The following AGAP1 variants were observed in gnomAD, a reference collection of about 807,000 sequenced individuals.
The protein encoded by AGAP1 is ArfGAP with GTPase domain, ankyrin repeat and PH domain 1.
A neutral mutation model predicts 105.3 loss-of-function variants in AGAP1; 29 were observed. The ratio of observed to expected loss-of-function variants is 0.28; its 90% confidence interval spans 0.21 to 0.38. AGAP1 has a LOEUF of 0.38. AGAP1 is among the 10% of genes least tolerant of loss of function. AGAP1 has a pLI of 1.00. For missense variants in AGAP1, 998 were observed against 1,165.1 expected (o/e 0.86, Z 2.09); for synonymous variants, 509 against 485.9 (o/e 1.05, Z -0.63).
rs181002382 is a variant in AGAP1, at chr2:236,122,435, A to G, written c.2371-1484A>G. On this transcript the variant is annotated intron_variant, in intron 17 of 17. Coordinates refer to ENST00000304032, the MANE Select transcript of AGAP1 (RefSeq NM_001037131.3). The stretch of plus-strand genomic sequence containing the variant: ...ATTACAGGCCATCTTTGCTTCTCCA[A>G]TTGAGCAAAAATTCCTTTGATGGCG... Among the ~76,000 whole-genome samples the G allele has an allele frequency of 1.0e-3, 152 of 152,264 alleles. 1 individual carries two copies. Among genetic ancestry groups the G allele is most frequent in the African/African-American group, 3.5e-3 (144 of 41,558 alleles).
chr2:235,862,819 G>A (rs1383145792), intron 9 of AGAP1, among the ~76,000 whole-genome samples: 1 of 152,182 alleles, frequency 6.6e-6, no homozygotes, highest in Non-Finnish European at 1.5e-5. Context: ...TGTTCTTTAT[G>A]CCTCTTCACA....
In AGAP1 at chr2:235,728,166, C is replaced by T. The variant is rs143215564; in HGVS notation, c.310+10522C>T. ...AGTAGAAGTTGAAAGAAACTCCCAA[C>T]GGCAAATTAGGTCGAGTGCCAGAAA... On this transcript the variant is annotated intron_variant, in intron 3 of 17. Transcript: ENST00000304032. The surrounding 1 kb of genome is among the most constrained non-coding windows in gnomAD (Gnocchi z 4.3). Among the ~76,000 whole-genome samples the T allele has an allele frequency of 4.6e-5, 7 of 152,238 alleles. No homozygotes were observed. Among genetic ancestry groups the T allele is most frequent in the South Asian group, 2.1e-4 (1 of 4,814 alleles).
At chr2:235,803,259 A>G (rs918530082) in intron 8 of AGAP1, among the ~76,000 whole-genome samples, 1 of 152,154 alleles carries the variant, frequency 6.6e-6, no homozygotes, top group Admixed American at 6.5e-5. Context: ...TCCTGGAAAT[A>G]GTAACTCCAC....
Position 236,131,724 on chromosome 2 carries a change from T to G in AGAP1, c.*7602T>G, listed in dbSNP as rs2060086945. The G allele has an allele frequency of 6.6e-6, 1 of 152,142 alleles. No individual in the cohort carries two copies. 9.4% of individuals were successfully genotyped at this position (152,142 alleles called of 1,614,324 possible). ...TAAGGGAAAAAGAAAAAGAAAGATG[T>G]GTAAAGTAACAGAGAGAGGTGGCTA... On this transcript the variant is annotated 3_prime_UTR_variant, in exon 18 of 18. Coordinates refer to ENST00000304032, the MANE Select transcript of AGAP1 (RefSeq NM_001037131.3). This position sits in a 1 kb window ranked among gnomAD's most constrained non-coding sequence, Gnocchi z 5.9.
intron 9 of AGAP1, among the ~76,000 whole-genome samples, chr2:235,873,767 ACCCAG>A (rs916943809): frequency 3.9e-5 from 6 of 152,202 alleles, no homozygotes; most frequent in Admixed American, 2.0e-4. Flanking sequence ...TTACTTTGTC[ACCCAG>A]ACTGGAGTGC....
chr2:235,510,133 A>AT (rs1457106919), intron 1 of AGAP1, among the ~76,000 whole-genome samples: 3 of 152,158 alleles, frequency 2.0e-5, no homozygotes, highest in Non-Finnish European at 4.4e-5. Flanking sequence ...GAGTTGTAGA[A>AT]TTTTTTTCAT....
At chr2:235,807,183 C>G in intron 8 of AGAP1, 56 bp from the exon 9 acceptor site, 1 of 1,542,364 alleles carries the variant, frequency 6.5e-7, no homozygotes, top group Non-Finnish European at 8.8e-7. Flanking sequence ...AGGGGCAGAG[C>G]CCCGTCTGTG....
At chr2:235,571,865 T>C (rs1944526596) in intron 1 of AGAP1, among the ~76,000 whole-genome samples, 1 of 151,294 alleles carries the variant, frequency 6.6e-6, no homozygotes, top group African/African-American at 2.4e-5. Context: ...CCCAAAGTGC[T>C]GGGACTACAG....
At chr2:235,513,275 CTT>C (rs1441924277) in intron 1 of AGAP1, among the ~76,000 whole-genome samples, 1 of 150,606 alleles carries the variant, frequency 6.6e-6, no homozygotes, top group Non-Finnish European at 1.5e-5. Context: ...AATCCCAACA[CTT>C]TGGGAGGCTG....
chr2:235,990,255 A>G (rs1242533629), intron 13 of AGAP1, among the ~76,000 whole-genome samples: 1 of 152,200 alleles, frequency 6.6e-6, no homozygotes, highest in Non-Finnish European at 1.5e-5. Flanking sequence ...CATCCTCCTT[A>G]AAGCACCCAT....
At position 235,842,521 on chromosome 2, in the gene AGAP1, G is replaced by C. The variant is rs1395729185; in HGVS notation, c.1050+35190G>C. ...CAGTGTGCTTATTACCCAGCCACAG[G>C]CGTTGCTTATATTTTGGTGACTGTA... On this transcript the variant is annotated intron_variant, in intron 9 of 17. Transcript: ENST00000304032. The surrounding 1 kb of genome is among the most constrained non-coding windows in gnomAD (Gnocchi z 5.3). 6.6e-6 allele frequency among the ~76,000 whole-genome samples: 1 copy of C among 152,138 alleles called. No individual in the cohort carries two copies. Among genetic ancestry groups the C allele is most frequent in the East Asian group, 1.9e-4 (1 of 5,196 alleles).
At chr2:235,870,628 A>AG (rs1335313101) in intron 9 of AGAP1, among the ~76,000 whole-genome samples, 1 of 144,386 alleles carries the variant, frequency 6.9e-6, no homozygotes, top group Non-Finnish European at 1.5e-5. Context: ...CTCCATCTGG[A>AG]AAAAAAAAAA....
At chr2:235,544,902 G>A (rs535829030) in intron 1 of AGAP1, among the ~76,000 whole-genome samples, 5 of 152,270 alleles carry the variant, frequency 3.3e-5, no homozygotes, top group Admixed American at 6.5e-5. Flanking sequence ...TTGGTGTGGT[G>A]GGGAAGTTTT....
In AGAP1 at chr2:236,087,863, C is replaced by T. The variant is rs1325045135; in HGVS notation, c.2115-32329C>T. 1.3e-5 allele frequency among the ~76,000 whole-genome samples: 2 copies of T among 152,142 alleles called. No homozygotes were observed. Among genetic ancestry groups the T allele is most frequent in the South Asian group, 4.1e-4 (2 of 4,830 alleles). ...ACCAGAGGTCTTTGCCAGGAGGAGA[C>T]GTTACAGCAGGTCCTCTCTGGTTGG... On this transcript the variant is annotated intron_variant, in intron 16 of 17. Transcript: ENST00000304032. The surrounding 1 kb of genome is among the most constrained non-coding windows in gnomAD (Gnocchi z 5.7).
chr2:235,930,878 C>T lies in AGAP1; in HGVS notation c.1438C>T (p.Gln480Ter), dbSNP rs762171344. Residue 480 changes from glutamine (Q) to a stop codon, truncating the protein, a stop_gained, in exon 12 of 18, where the codon CAG (glutamine) becomes TAG (stop). Transcript: ENST00000304032. LOFTEE classifies it high-confidence loss of function. This position sits in a 1 kb window ranked among gnomAD's most constrained non-coding sequence, Gnocchi z 7.9. ...QRSYSVSSAD[Q>*]WSEATVIANS... The stretch of plus-strand genomic sequence containing the variant: ...CTCCTACTCAGTCTCCAGTGCCGAC[C>T]AGTGGAGTGAGGCTACGGTCATTGC... 1 of 1,614,142 alleles carries T rather than the reference C, an allele frequency of 6.2e-7. No homozygotes were observed. The highest frequency in any genetic ancestry group is 8.5e-7 in the Non-Finnish European group (1 of 1,180,020).
intron 12 of AGAP1, among the ~76,000 whole-genome samples, chr2:235,938,689 A>AT (rs2053106655): frequency 6.6e-6 from 1 of 152,148 alleles, no homozygotes; most frequent in African/African-American, 2.4e-5. Flanking sequence ...GAGGTTCTGA[A>AT]TGTCTCACTG....
intron 13 of AGAP1, among the ~76,000 whole-genome samples, chr2:236,019,428 G>T (rs1461824975): frequency 6.6e-6 from 1 of 152,250 alleles, no homozygotes; most frequent in African/African-American, 2.4e-5. Flanking sequence ...CAGGTATCAT[G>T]GCCTGCGGGA....
chr2:235,912,849 ATGTTT>A (rs2051685835), intron 11 of AGAP1, among the ~76,000 whole-genome samples: 1 of 152,200 alleles, frequency 6.6e-6, no homozygotes, highest in East Asian at 1.9e-4. Flanking sequence ...AAAATGCCTC[ATGTTT>A]TGTTTATTTG....
At position 235,891,409 on chromosome 2, in the gene AGAP1, C is replaced by G. The variant is rs980264320; in HGVS notation, c.1155+7960C>G. Among the ~76,000 whole-genome samples the G allele has an allele frequency of 2.6e-5, 4 of 152,158 alleles. No homozygotes were observed. The highest frequency in any genetic ancestry group is 9.7e-5 in the African/African-American group (4 of 41,442). Reference sequence around the variant, plus strand: ...ATATATATGAGTGTCTCATGGTTTTCAGACACTTTGCTGGATCACAGTTCA... The same window carrying G: ...ATATATATGAGTGTCTCATGGTTTTGAGACACTTTGCTGGATCACAGTTCA... On this transcript the variant is annotated intron_variant, in intron 10 of 17. Transcript: ENST00000304032. This position sits in a 1 kb window ranked among gnomAD's most constrained non-coding sequence, Gnocchi z 4.2.
Sources: allele counts gnomAD v4.1 joint callset (sites outside exome capture counted in the v4.1 genomes callset), GRCh38; gene constraint gnomAD v4.1.1; non-coding constraint Gnocchi (gnomAD v3.1); transcripts MANE v1.5; gene names NCBI Gene and HGNC (gene_info 2026-07-23, HGNC 2026-07-21).